DHX34: variants seen among roughly 807,000 people sequenced by gnomAD.
DHX34 encodes the protein DExH-box helicase 34.
A neutral mutation model predicts 111.1 loss-of-function variants in DHX34; 96 were observed. The observed-to-expected ratio is 0.86, with a 90% CI of 0.73 to 1.02. DHX34 has a LOEUF of 1.02. Ranked by LOEUF, DHX34 falls within the 50% of genes least tolerant of loss-of-function variation. The probability of loss-of-function intolerance (pLI) is 0.00; values close to 1 mark genes in which losing one functional copy is unlikely to be tolerated. For missense variants in DHX34, 1,560 were observed against 1,579.9 expected (o/e 0.99, Z 0.21); for synonymous variants, 688 against 670.4 (o/e 1.03, Z -0.41).
chr19:47,363,062 T>A (rs1171351342), intron 6 of DHX34, among the ~76,000 whole-genome samples: 3 of 152,156 alleles, frequency 2.0e-5, no homozygotes, highest in African/African-American at 7.2e-5. Context: ...GTGATTCTCC[T>A]GCCTCAGCCT....
At chr19:47,377,057 G>A (rs1970187130) in intron 12 of DHX34, 43 bp from the exon 13 acceptor site, 2 of 1,612,378 alleles carry the variant, frequency 1.2e-6, no homozygotes, top group Admixed American at 1.7e-5. Context: ...GATGGGCCTG[G>A]GTGGGCCAGG....
rs757420989 is a variant in DHX34, at chr19:47,353,613, G to GT, written c.584dup (p.Pro196AlafsTer32). 1 of 1,613,288 alleles carries GT rather than the reference G, an allele frequency of 6.2e-7. No homozygotes were observed. Among genetic ancestry groups the GT allele is most frequent in the Admixed American group, 1.7e-5 (1 of 60,012 alleles). On this transcript the variant is annotated frameshift_variant, in exon 2 of 17. Coordinates refer to ENST00000328771, the MANE Select transcript of DHX34 (RefSeq NM_014681.6). LOFTEE classifies it high-confidence loss of function. The surrounding 1 kb of genome is among the most constrained non-coding windows in gnomAD (Gnocchi z 4.6). ...CACCGGCTGTGGCAAGTCCACTCAG[G>GT]TGCCCCAGTACCTGCTGGCTGCTGG...
In DHX34 at chr19:47,376,523, A is replaced by C. The variant is rs750187628; in HGVS notation, c.2562A>C (p.Ala854=). ...CTGGCAGCCCCGAGGTGCTGCACGC[A>C]CAGGAGCTGGAGGCCAGCAACTGCG... The part of the protein sequence containing the change: ...VFAGSPEVLH[A]QELEASNCDG... The change falls in exon 12 of 17, where the codon GCA becomes GCC. Residue 854 remains alanine (A), a synonymous_variant. Transcript: ENST00000328771. 1 of 1,585,688 alleles carries C rather than the reference A, an allele frequency of 6.3e-7. No homozygotes were observed. Among genetic ancestry groups the C allele is most frequent in the South Asian group, 1.1e-5 (1 of 87,326 alleles).
Position 47,375,245 on chromosome 19 carries a change from G to A in DHX34, c.2065-221G>A, listed in dbSNP as rs535705617. On this transcript the variant is annotated intron_variant, in intron 9 of 16. Coordinates refer to ENST00000328771, the MANE Select transcript of DHX34 (RefSeq NM_014681.6). ...CTGTGGGAAAAGGCACTGGACGCCC[G>A]CACCTGCCTCCTCTTGCCCCTGGCC... is the stretch of plus-strand genomic sequence containing the variant. The A allele has an allele frequency of 2.5e-5, 24 of 977,952 alleles. No individual in the cohort carries two copies. The Admixed American group carries it at 5.5e-4, about 23-fold the overall frequency. 60.6% of individuals were successfully genotyped at this position (977,952 alleles called of 1,614,324 possible).
chr19:47,358,261 A>G (rs1456313730), intron 4 of DHX34, 141 bp downstream of exon 4: 3 of 1,429,774 alleles, frequency 2.1e-6, no homozygotes, highest in Admixed American at 2.8e-5. Context: ...TGGCAGAGCC[A>G]GGCTGCGAAC....
intron 4 of DHX34, among the ~76,000 whole-genome samples, chr19:47,359,563 C>T (rs939121344): frequency 4.6e-5 from 7 of 152,080 alleles, no homozygotes; most frequent in African/African-American, 1.4e-4. Context: ...AGGCGGATCA[C>T]CTGAGGTCAA....
chr19:47,367,803 G>A (rs1027263547), intron 7 of DHX34, among the ~76,000 whole-genome samples: 3 of 149,770 alleles, frequency 2.0e-5, no homozygotes, highest in African/African-American at 7.4e-5. Flanking sequence ...TAGGAGAATC[G>A]CTTGAACCTG....
chr19:47,351,171 C>CTTTTTTTTTTTTTTTTTTTTTTTT (rs955543104), intron 1 of DHX34, among the ~76,000 whole-genome samples: 1 of 93,080 alleles, frequency 1.1e-5, no homozygotes, highest in African/African-American at 4.4e-5. Context: ...TTTTCTTTTT[C>CTTTTTTTTTTTTTTTTTTTTTTTT]TTTTTTTTTT....
chr19:47,359,818 G>A, intron 4 of DHX34, 150 bp from the exon 5 acceptor site: 1 of 1,482,600 alleles, frequency 6.7e-7, no homozygotes, highest in Non-Finnish European at 9.0e-7. Context: ...CAGGTGATGG[G>A]GTGGACGGTG....
chr19:47,376,806 T>C, intron 12 of DHX34: 1 of 1,513,922 alleles, frequency 6.6e-7, no homozygotes, highest in Non-Finnish European at 8.8e-7. Context: ...GCCCAGAGAG[T>C]GAGCACCGGT....
chr19:47,356,305 G>A (rs1441304254), intron 3 of DHX34, among the ~76,000 whole-genome samples: 2 of 152,124 alleles, frequency 1.3e-5, no homozygotes, highest in South Asian at 2.1e-4. Context: ...GGTTCCGGAT[G>A]CCCATCAATT....
In DHX34 at chr19:47,362,504, G is replaced by C; in HGVS notation, c.1404G>C (p.Pro468=). 6.3e-7 allele frequency: 1 copy of C among 1,599,754 alleles called. No individual in the cohort carries two copies. The highest frequency in any genetic ancestry group is 8.5e-7 in the Non-Finnish European group (1 of 1,171,358). The change falls in exon 6 of 17, where the codon CCG becomes CCC. Residue 468 remains proline, a synonymous_variant. Transcript: ENST00000328771. The part of the protein sequence containing the change: ...SGKVKEMSYD[P]QAKLQRLQEF... ...AGGTGAAGGAGATGAGCTACGATCCGCAGGCCAAGCTGCAACGGCTGCAGG... is the reference window on the plus strand; with the variant it reads ...AGGTGAAGGAGATGAGCTACGATCCCCAGGCCAAGCTGCAACGGCTGCAGG...
intron 3 of DHX34, among the ~76,000 whole-genome samples, chr19:47,356,318 C>T (rs1969455911): frequency 6.6e-6 from 1 of 151,904 alleles, no homozygotes; most frequent in South Asian, 2.1e-4. Context: ...CATCAATTTG[C>T]CTTCTAAGCA....
intron 13 of DHX34, chr19:47,379,455 GCTGT>G (rs1177340143): frequency 1.0e-5 from 3 of 294,166 alleles, no homozygotes; most frequent in Non-Finnish European, 1.5e-5. Context: ...TGAGAATGCA[GCTGT>G]CTCTCTCCCA....
chr19:47,378,533 C>CT (rs1241523764), intron 13 of DHX34, among the ~76,000 whole-genome samples: 1 of 152,180 alleles, frequency 6.6e-6, no homozygotes, highest in Admixed American at 6.5e-5. Context: ...TCTCCCTGCA[C>CT]TGGACTGCTT....
In DHX34 at chr19:47,376,469, C is replaced by A; in HGVS notation, c.2508C>A (p.Gly836=). 6.2e-7 allele frequency: 1 copy of A among 1,611,378 alleles called. No homozygotes were observed. The highest frequency in any genetic ancestry group is 8.5e-7 in the Non-Finnish European group (1 of 1,179,102). The change falls in exon 12 of 17, where the codon GGC becomes GGA. Residue 836 remains glycine (G), a synonymous_variant. Transcript: ENST00000328771. The part of the protein sequence containing the change: ...DQIFHTQAKQ[G]AVLHPTCVFA... ...TTTTCCACACGCAGGCCAAGCAGGG[C>A]GCCGTGCTGCACCCCACCTGCGTCT...
At chr19:47,361,634 C>G (rs1008293386) in intron 5 of DHX34, among the ~76,000 whole-genome samples, 1 of 151,950 alleles carries the variant, frequency 6.6e-6, no homozygotes, top group African/African-American at 2.4e-5. Context: ...CAAAAATGAC[C>G]CGGGCATGGT....
Position 47,362,589 on chromosome 19 carries a change from C to G in DHX34, c.1489C>G (p.Pro497Ala). Residue 497 changes from proline (P) to alanine (A), a missense_variant, in exon 6 of 17, where the codon CCC becomes GCC. Transcript: ENST00000328771. The stretch of plus-strand genomic sequence containing the variant: ...GAAGGGCCGGGCGGGCCGCACGGGC[C>G]CCGGAGTCTGCTTCCGCCTCTATGC... ...QRKGRAGRTG[P>A]GVCFRLYAES... The G allele has an allele frequency of 6.2e-7, 1 of 1,613,762 alleles. No homozygotes were observed. Among genetic ancestry groups the G allele is most frequent in the Non-Finnish European group, 8.5e-7 (1 of 1,179,952 alleles).
rs1970299666 is a variant in DHX34 at position 47,379,910 on chromosome 19, G to A, written c.2907G>A (p.Glu969=). ...AGGCCCAGCAGCAGCTGGAGGAGGA[G>A]GAGGAGGATACGCCAGTCAGCCCCA... is the stretch of plus-strand genomic sequence containing the variant. ...AHQAQQQLEE[E]EEDTPVSPKE... Residue 969 remains glutamate (E), a synonymous_variant, in exon 14 of 17, where the codon GAG becomes GAA. Coordinates refer to ENST00000328771, the MANE Select transcript of DHX34 (RefSeq NM_014681.6). The A allele has an allele frequency of 3.1e-6, 5 of 1,612,604 alleles. No homozygotes were observed. In the Admixed American group the frequency reaches 6.7e-5, roughly 22 times the overall value.
Sources: gnomAD v4.1 joint callset for allele counts (sites outside exome capture counted in the v4.1 genomes callset) on GRCh38, gnomAD v4.1.1 for gene constraint, Gnocchi (gnomAD v3.1) non-coding constraint, MANE v1.5 for transcripts, NCBI Gene and HGNC (gene_info 2026-07-23, HGNC 2026-07-21) for gene names.